Variants in FBXO4 observed in about 807,000 individuals in gnomAD.
FBXO4 encodes the protein F-box only protein 4.
In FBXO4, 36 loss-of-function variants were observed where a neutral mutation model predicts 43.7. The observed-to-expected ratio is 0.82, with a 90% confidence interval of 0.63 to 1.09. FBXO4 has a LOEUF of 1.09. Among genes scored for constraint, FBXO4 ranks in the 50% least tolerant of loss-of-function variants. The pLI, the probability that FBXO4 is intolerant of heterozygous loss-of-function variation, is 0.00. For synonymous variants in FBXO4, 180 were observed against 165.6 expected (o/e 1.09, Z -0.67); for missense variants, 435 against 474.1 (o/e 0.92, Z 0.77).
chr5:41,989,432 G>A, the FBXO4 span, among the ~76,000 whole-genome samples: 316 of 151,910 alleles, frequency 2.1e-3, no homozygotes, highest in Non-Finnish European at 3.6e-3. Context: ...AATATATTCC[G>A]TTACGATCTT....
At chr5:41,967,054 T>TA in the FBXO4 span, 991 of 262,424 alleles carry the variant, frequency 3.8e-3, 7 homozygotes, top group African/African-American at 0.019. Context: ...GTGGAAAAAA[T>TA]AAAAAAAAAT....
intron 5 of FBXO4, among the ~76,000 whole-genome samples, chr5:41,935,485 A>T (rs1056176888): frequency 2.0e-5 from 3 of 152,224 alleles, no homozygotes; most frequent in Non-Finnish European, 4.4e-5. Context: ...CTCAAGGGAG[A>T]TAGAAACAAA....
chr5:42,038,777 T>C, the FBXO4 span, among the ~76,000 whole-genome samples: 4 of 152,178 alleles, frequency 2.6e-5, no homozygotes, highest in East Asian at 3.9e-4. Context: ...CCACTATCCT[T>C]CCCAGCCTCT....
In FBXO4 at chr5:41,929,717, A is replaced by T. The variant is rs758744910; in HGVS notation, c.446A>T (p.Tyr149Phe). ...TACAGCTATAGAATGTGCTGTCCAT[A>T]CACAAGAAGAGCTTCAAAATCCAGC... ...YMAVYRMCCP[Y>F]TRRASKSSRP... Residue 149 changes from tyrosine to phenylalanine, a missense_variant, in exon 3 of 7, where the codon TAC (tyrosine) becomes TTC (phenylalanine). Physicochemically the swap from Tyr to Phe is conservative, Grantham distance 22. Transcript: ENST00000281623. 1.2e-6 allele frequency: 2 copies of T among 1,610,598 alleles called. No individual in the cohort carries two copies. Among genetic ancestry groups the T allele is most frequent in the African/African-American group, 1.3e-5 (1 of 74,924 alleles).
At chr5:41,944,009 G>A (rs1015492100), downstream of FBXO4, among the ~76,000 whole-genome samples, 2 of 152,174 alleles carry the variant, frequency 1.3e-5, no homozygotes, top group South Asian at 2.1e-4. Flanking sequence ...CAAACCTGTT[G>A]ACACTTTCAT....
chr5:42,007,645 A>T, the FBXO4 span, among the ~76,000 whole-genome samples: 13 of 152,160 alleles, frequency 8.5e-5, no homozygotes, highest in Middle Eastern at 3.2e-3. Context: ...CTAATGCAAC[A>T]TTCACTTTCA....
chr5:42,007,712 T>C, the FBXO4 span, among the ~76,000 whole-genome samples: 1 of 152,120 alleles, frequency 6.6e-6, no homozygotes, highest in Non-Finnish European at 1.5e-5. Context: ...GCATCAATAG[T>C]TTTTTAAATA....
chr5:41,930,935 C>T (rs1049966071), intron 3 of FBXO4, among the ~76,000 whole-genome samples: 7 of 152,192 alleles, frequency 4.6e-5, no homozygotes, highest in Non-Finnish European at 8.8e-5. Flanking sequence ...GGATTACAGG[C>T]GTGAGCCACC....
the FBXO4 span, among the ~76,000 whole-genome samples, chr5:41,958,797 C>A: frequency 6.6e-6 from 1 of 152,052 alleles, no homozygotes; most frequent in Non-Finnish European, 1.5e-5. Flanking sequence ...ATTCGTTTAT[C>A]TGTTGATGGA....
the FBXO4 span, chr5:41,963,994 A>T: frequency 6.6e-6 from 1 of 152,334 alleles, no homozygotes; most frequent in South Asian, 2.1e-4. Context: ...TGCTTCTTCT[A>T]GGTACCTTTT....
At chr5:41,987,317 A>C in the FBXO4 span, among the ~76,000 whole-genome samples, 1 of 152,150 alleles carries the variant, frequency 6.6e-6, no homozygotes, top group Non-Finnish European at 1.5e-5. Flanking sequence ...GGCCCTTCAC[A>C]AATTTCTTTA....
At chr5:41,961,434 T>C in the FBXO4 span, among the ~76,000 whole-genome samples, 1 of 152,122 alleles carries the variant, frequency 6.6e-6, no homozygotes, top group South Asian at 2.1e-4. Flanking sequence ...GCCTAAAGCA[T>C]GAGCATGCCT....
rs148463890 is a variant in FBXO4 at position 41,935,518 on chromosome 5, G to A, written c.898+1210G>A. Among the ~76,000 whole-genome samples the A allele has an allele frequency of 7.9e-3, 1,204 of 152,344 alleles. 8 individuals are homozygous for A. Among genetic ancestry groups the A allele is most frequent in the Middle Eastern group, 0.027 (8 of 294 alleles). ...AAAAGCTGTCTTAGGGGAGGAGCAGGAATTCCACTTGTACCAAGGATCTTG... is the reference window on the plus strand; with the variant it reads ...AAAAGCTGTCTTAGGGGAGGAGCAGAAATTCCACTTGTACCAAGGATCTTG... On this transcript the variant is annotated intron_variant, in intron 5 of 6. Transcript: ENST00000281623.
the FBXO4 span, chr5:41,967,050 A>G: frequency 7.5e-6 from 2 of 265,730 alleles, no homozygotes; most frequent in Non-Finnish European, 1.5e-5. Flanking sequence ...TTCAGTGGAA[A>G]AAATAAAAAA....
rs773043168 is a variant in FBXO4, at chr5:41,929,686, AT to A, written c.426-5del. The A allele has an allele frequency of 2.0e-4, 319 of 1,564,140 alleles. 1 individual carries two copies. Among genetic ancestry groups the A allele is most frequent in the Middle Eastern group, 5.2e-4 (3 of 5,824 alleles). ...CTGTGTTAATGTTCTAATTGTGACA[AT>A]TTTTTACAGCTATAGAATGTGCTGT... On this transcript the variant is annotated splice_polypyrimidine_tract_variant and intron_variant, in intron 2 of 6. Coordinates refer to ENST00000281623, the MANE Select transcript of FBXO4 (RefSeq NM_012176.3).
At chr5:41,945,476 A>T (rs1752063724), downstream of FBXO4, among the ~76,000 whole-genome samples, 2 of 152,184 alleles carry the variant, frequency 1.3e-5, no homozygotes, top group African/African-American at 4.8e-5. Context: ...ATTATTGTAA[A>T]TACAAAATTG....
the FBXO4 span, among the ~76,000 whole-genome samples, chr5:42,030,562 C>G: frequency 6.6e-6 from 1 of 151,894 alleles, no homozygotes; most frequent in African/African-American, 2.4e-5. Context: ...GACTTCATGT[C>G]TAAAACACCA....
the FBXO4 span, among the ~76,000 whole-genome samples, chr5:41,980,953 T>C: frequency 6.6e-6 from 1 of 152,054 alleles, no homozygotes; most frequent in Non-Finnish European, 1.5e-5. Flanking sequence ...TTAGACCTTT[T>C]CTATACACAT....
the FBXO4 span, among the ~76,000 whole-genome samples, chr5:41,999,492 T>TATATATGTGTATATATATATAC: frequency 6.6e-4 from 35 of 52,664 alleles, no homozygotes; most frequent in East Asian, 1.8e-3. Context: ...TATATATATA[T>TATATATGTGTATATATATATAC]ACATATATAT....
Sources: allele counts gnomAD v4.1 joint callset (sites outside exome capture counted in the v4.1 genomes callset), GRCh38; gene constraint gnomAD v4.1.1; transcripts MANE v1.5; gene names NCBI Gene and HGNC (gene_info 2026-07-23, HGNC 2026-07-21).